The following SHKBP1 variants were observed in gnomAD, a reference collection of about 807,000 sequenced individuals.
SHKBP1 encodes the protein SH3KBP1-binding protein 1.
In SHKBP1, 71 loss-of-function variants were observed where a neutral mutation model predicts 83.9. The observed-to-expected ratio is 0.85, with a 90% CI of 0.70 to 1.03. The LOEUF is 1.03. Ranked by LOEUF, SHKBP1 falls within the 50% of genes least tolerant of loss-of-function variation. SHKBP1 has a pLI of 0.00. For missense variants in SHKBP1, 824 were observed against 982.4 expected (o/e 0.84, Z 2.16); for synonymous variants, 371 against 398.0 (o/e 0.93, Z 0.81).
chr19:40,581,805 GT>G, intron 9 of SHKBP1, among the ~76,000 whole-genome samples: 1 of 152,204 alleles, frequency 6.6e-6, no homozygotes, highest in Middle Eastern at 3.4e-3. Flanking sequence ...ACCAGTGGAG[GT>G]TTTTTTGCCT....
At chr19:40,589,054 C>G in intron 14 of SHKBP1, 28 bp from the exon 15 acceptor site, 3 of 1,600,828 alleles carry the variant, frequency 1.9e-6, no homozygotes, top group African/African-American at 1.3e-5. Context: ...TCCCAGCTGG[C>G]CCTGACCCCT....
chr19:40,589,769 A>G (rs571467435), intron 15 of SHKBP1, among the ~76,000 whole-genome samples: 4 of 152,154 alleles, frequency 2.6e-5, no homozygotes, highest in African/African-American at 9.6e-5. Flanking sequence ...GAAGGGCCAA[A>G]TAGGGTCACA....
chr19:40,585,814 A>G (rs1248806081), intron 12 of SHKBP1: 1 of 152,188 alleles, frequency 6.6e-6, no homozygotes, highest in Non-Finnish European at 1.5e-5. Context: ...TGCTGGAATT[A>G]CAGGCATGGG....
chr19:40,588,798 C>T lies in SHKBP1; in HGVS notation c.1492+19C>T. 1 of 1,610,384 alleles carries T rather than the reference C, an allele frequency of 6.2e-7. No individual in the cohort carries two copies. The highest frequency in any genetic ancestry group is 8.5e-7 in the Non-Finnish European group (1 of 1,179,692). ...GACATTGGTGCCTACTGGCTCCTGG[C>T]CTTCCCACCCCACTGACCCCCTTAC... On this transcript the variant is annotated intron_variant, in intron 14 of 17. Transcript: ENST00000291842.
rs370804136 is a variant in SHKBP1 at position 40,577,324 on chromosome 19, T to G, written c.140+40T>G. 45 of 1,613,636 alleles carry G rather than the reference T, an allele frequency of 2.8e-5. No individual in the cohort carries two copies. In the African/African-American group the frequency reaches 3.5e-4, roughly 12 times the overall value. ...GAGTTTGGGGCGAGGGTAGGAGGGATGGAGAGGGCGTGGGAGACCTAATAT... is the reference window on the plus strand; with the variant it reads ...GAGTTTGGGGCGAGGGTAGGAGGGAGGGAGAGGGCGTGGGAGACCTAATAT... On this transcript the variant is annotated intron_variant, in intron 2 of 17. Transcript: ENST00000291842.
Position 40,577,566 on chromosome 19 carries a change from G to A in SHKBP1, c.196G>A (p.Asp66Asn), listed in dbSNP as rs1219459654. The part of the protein sequence containing the change: ...LKDETGAIFI[D>N]RDPTVFAPIL... ...CCCCCCTTTCCCGCAGATCTTCATC[G>A]ACAGGGACCCTACAGTCTTCGCCCC... The change falls in exon 4 of 18, where the codon GAC (aspartate) becomes AAC (asparagine). Residue 66 changes from aspartate to asparagine, a missense_variant. Transcript: ENST00000291842. 7 of 1,613,852 alleles carry A rather than the reference G, an allele frequency of 4.3e-6. No individual in the cohort carries two copies. The highest frequency in any genetic ancestry group is 2.2e-5 in the South Asian group (2 of 91,080).
chr19:40,584,550 G>A (rs977582999), intron 12 of SHKBP1, among the ~76,000 whole-genome samples: 5 of 152,076 alleles, frequency 3.3e-5, no homozygotes, highest in Non-Finnish European at 7.4e-5. Context: ...CATCACCCCC[G>A]TAAGAAACCC....
At chr19:40,581,537 A>AC (rs36087813) in intron 9 of SHKBP1, among the ~76,000 whole-genome samples, 22,752 of 150,322 alleles carry the variant, frequency 0.15, 1,791 homozygotes, top group African/African-American at 0.18. Context: ...AAAAAAAAAA[A>AC]AACAAAAAAA....
Position 40,584,741 on chromosome 19 carries a change from C to T in SHKBP1, c.1165+1024C>T, listed in dbSNP as rs541316316. ...GGTTCAAGCGATTCTCATGCCTCAG[C>T]TTCCTGAGTAGGGGAGGATTACAGG... On this transcript the variant is annotated intron_variant, in intron 12 of 17. Coordinates refer to ENST00000291842, the MANE Select transcript of SHKBP1 (RefSeq NM_138392.4). Among the ~76,000 whole-genome samples, 7 of 152,268 alleles carry T rather than the reference C, an allele frequency of 4.6e-5. No individual in the cohort carries two copies. In the East Asian group the frequency reaches 1.2e-3, roughly 25 times the overall value.
At chr19:40,578,068 C>G (rs1389690124) in intron 4 of SHKBP1, 86 bp from the exon 5 acceptor site, 3 of 1,081,224 alleles carry the variant, frequency 2.8e-6, no homozygotes, top group Non-Finnish European at 4.3e-6. Context: ...TTGACATTCT[C>G]TGTGCAGTTT....
rs74480722 is a variant in SHKBP1, at chr19:40,581,909, C to T, written c.845-442C>T. Among the ~76,000 whole-genome samples the T allele has an allele frequency of 1.8e-3, 269 of 150,650 alleles. 1 individual carries two copies. The highest frequency in any genetic ancestry group is 0.01 in the Middle Eastern group (3 of 294). The stretch of plus-strand genomic sequence containing the variant: ...CTGGCCCATTTTATCTTCTCTAATT[C>T]CTGCTGGAATCTTCACTTTTTTTTT... On this transcript the variant is annotated intron_variant, in intron 9 of 17. Transcript: ENST00000291842.
At chr19:40,583,561 A>G (rs772328042) in intron 11 of SHKBP1, 40 bp from the exon 12 acceptor site, 7 of 1,611,188 alleles carry the variant, frequency 4.3e-6, no homozygotes, top group Non-Finnish European at 5.9e-6. Context: ...AGGCTGGGGC[A>G]CTTGGAACAA....
rs2081331555 is a variant in SHKBP1 at position 40,588,727 on chromosome 19, G to A, written c.1440G>A (p.Leu480=). 6.2e-7 allele frequency: 1 copy of A among 1,614,106 alleles called. No individual in the cohort carries two copies. Among genetic ancestry groups the A allele is most frequent in the Non-Finnish European group, 8.5e-7 (1 of 1,180,026 alleles). ...CCCCACTCGCTTCCTTTAAGATCCT[G>A]GCTCTGGAGTCGGCAGATGGGCATG... ...GSTPLASFKI[L]ALESADGHGG... Residue 480 remains leucine, a synonymous_variant, in exon 14 of 18, where the codon CTG becomes CTA. Coordinates refer to ENST00000291842, the MANE Select transcript of SHKBP1 (RefSeq NM_138392.4).
chr19:40,578,545 A>T lies in SHKBP1; in HGVS notation c.400+3A>T. 6.2e-7 allele frequency: 1 copy of T among 1,610,538 alleles called. No individual in the cohort carries two copies. Among genetic ancestry groups the T allele is most frequent in the Non-Finnish European group, 8.5e-7 (1 of 1,178,592 alleles). ...CAATGGTTACCTGCCGCCACCAGGT[A>T]GGCACTCCCAATGGAATGGAGGGGC... On this transcript the variant is annotated splice_donor_region_variant and intron_variant, in intron 6 of 17. Coordinates refer to ENST00000291842, the MANE Select transcript of SHKBP1 (RefSeq NM_138392.4).
intron 12 of SHKBP1, among the ~76,000 whole-genome samples, chr19:40,584,471 A>C (rs1028654414): frequency 6.6e-6 from 1 of 152,216 alleles, no homozygotes; most frequent in African/African-American, 2.4e-5. Flanking sequence ...GAACGTGCAC[A>C]ATTCAGCGGA....
In SHKBP1 at chr19:40,578,541, A is replaced by G; in HGVS notation, c.399A>G (p.Pro133=). 1 of 1,612,144 alleles carries G rather than the reference A, an allele frequency of 6.2e-7. No individual in the cohort carries two copies. Among genetic ancestry groups the G allele is most frequent in the East Asian group, 2.2e-5 (1 of 44,834 alleles). ...TCTTCAATGGTTACCTGCCGCCACC[A>G]GGTAGGCACTCCCAATGGAATGGAG... The part of the protein sequence containing the change: ...NVLFNGYLPP[P]VFPVKRRNRH... Residue 133 remains proline, a splice_region_variant and synonymous_variant, in exon 6 of 18, where the codon CCA becomes CCG. Transcript: ENST00000291842.
At chr19:40,588,937 C>G (rs548437832) in intron 14 of SHKBP1, 145 bp from the exon 15 acceptor site, 40 of 1,247,680 alleles carry the variant, frequency 3.2e-5, no homozygotes, top group Non-Finnish European at 4.4e-5. Flanking sequence ...CTGCCACAAC[C>G]CCCCAGCCCT....
rs374250744 is a variant in SHKBP1 at position 40,583,427 on chromosome 19, T to G, written c.990T>G (p.Tyr330Ter). ...QVQEVQPITSYDAAGSFLLLG... is the reference protein window; with the variant it reads ...QVQEVQPITS The stretch of plus-strand genomic sequence containing the variant: ...AGGAGGTGCAGCCCATCACCAGTTA[T>G]GACGCGGCAGGCTCCTTCCTCCTCC... The change falls in exon 11 of 18, where the codon TAT becomes TAG. Residue 330 changes from tyrosine to a stop codon, truncating the protein, a stop_gained. Transcript: ENST00000291842. LOFTEE classifies it high-confidence loss of function. 12 of 1,599,786 alleles carry G rather than the reference T, an allele frequency of 7.5e-6. No individual in the cohort carries two copies. The Admixed American group carries it at 1.9e-4, about 26-fold the overall frequency.
chr19:40,587,317 C>T (rs192308591), intron 13 of SHKBP1, among the ~76,000 whole-genome samples: 7 of 152,314 alleles, frequency 4.6e-5, no homozygotes, highest in South Asian at 2.1e-4. Flanking sequence ...TGGCCAGCTG[C>T]GGTGGCTCAC....
Sources: allele counts gnomAD v4.1 joint callset (sites outside exome capture counted in the v4.1 genomes callset), GRCh38; gene constraint gnomAD v4.1.1; transcripts MANE v1.5; gene names NCBI Gene and HGNC (gene_info 2026-07-23, HGNC 2026-07-21).